The following UTP20 variants were observed in gnomAD, a reference collection of about 807,000 sequenced individuals.
UTP20 encodes the protein UTP20 small subunit processome component.
Under a neutral mutation model 329.5 loss-of-function variants are expected in UTP20, and 164 were observed. The ratio of observed to expected loss-of-function variants is 0.50; its 90% confidence interval spans 0.44 to 0.57. The LOEUF (loss-of-function observed/expected upper bound fraction) is 0.57, where lower values mean the gene tolerates loss of function less well. Among genes scored for constraint, UTP20 ranks in the 20% least tolerant of loss-of-function variants. UTP20 has a pLI of 0.00. For missense variants in UTP20, 3,055 were observed against 3,284.2 expected, an observed-to-expected ratio of 0.93 and a Z score of 1.71; for synonymous variants, 1,151 against 1,159.3, an observed-to-expected ratio of 0.99 and a Z score of 0.14.
intron 43 of UTP20, among the ~76,000 whole-genome samples, chr12:101,359,122 A>G (rs1284567150): frequency 1.3e-5 from 2 of 152,012 alleles, no homozygotes; most frequent in Admixed American, 6.6e-5. Flanking sequence ...GCTGGAGTGC[A>G]CTGCGATCTT....
chr12:101,368,144 CAG>C (rs1870160716), intron 48 of UTP20, among the ~76,000 whole-genome samples, 168 bp downstream of exon 48: 3 of 148,830 alleles, frequency 2.0e-5, no homozygotes, highest in South Asian at 2.1e-4. Context: ...TTTTTTGAGA[CAG>C]AGTCTCACTT....
intron 43 of UTP20, among the ~76,000 whole-genome samples, chr12:101,357,577 C>T (rs964275690): frequency 6.6e-6 from 1 of 152,072 alleles, no homozygotes; most frequent in African/African-American, 2.4e-5. Context: ...ATAGTGAGAC[C>T]TTTTCCCTAC....
At position 101,280,312 on chromosome 12, in the gene UTP20, C is replaced by T; in HGVS notation, c.30C>T (p.Thr10=). Residue 10 remains threonine (T), a synonymous_variant, in exon 1 of 62, where the codon ACC becomes ACT. Coordinates refer to ENST00000261637, the MANE Select transcript of UTP20 (RefSeq NM_014503.3). The stretch of plus-strand genomic sequence containing the variant: ...AGACAAAGCCCGTTTCCCACAAGAC[C>T]GAGAACACCTACCGGGTGAGCGCGG... The part of the protein sequence containing the change: MKTKPVSHK[T]ENTYRFLTFA... The T allele has an allele frequency of 6.4e-7, 1 of 1,551,754 alleles. No individual in the cohort carries two copies. The highest frequency in any genetic ancestry group is 8.7e-7 in the Non-Finnish European group (1 of 1,146,982).
At chr12:101,343,332 AT>A (rs1289926737) in intron 35 of UTP20, among the ~76,000 whole-genome samples, 3 of 152,198 alleles carry the variant, frequency 2.0e-5, no homozygotes, top group Non-Finnish European at 4.4e-5. Context: ...TCAAGAAGTT[AT>A]GTATTAGAAT....
chr12:101,335,194 T>A (rs61944231), intron 29 of UTP20, among the ~76,000 whole-genome samples: 22,490 of 152,068 alleles, frequency 0.15, 2,260 homozygotes, highest in Non-Finnish European at 0.22. Context: ...GAATTTTTTA[T>A]AATAATTAAA....
intron 56 of UTP20, among the ~76,000 whole-genome samples, chr12:101,377,454 C>G (rs1329832434): frequency 6.6e-6 from 1 of 152,102 alleles, no homozygotes; most frequent in African/African-American, 2.4e-5. Flanking sequence ...CCTCAGCCTC[C>G]TGAGTAGCTG....
chr12:101,383,866 T>A (rs191007844), intron 60 of UTP20, among the ~76,000 whole-genome samples, 197 bp downstream of exon 60: 3 of 150,252 alleles, frequency 2.0e-5, no homozygotes, highest in African/African-American at 4.9e-5. Flanking sequence ...ACACATACAT[T>A]TAAAAAAGAG....
chr12:101,324,114 A>T (rs1313824305), intron 25 of UTP20, among the ~76,000 whole-genome samples: 1 of 151,986 alleles, frequency 6.6e-6, no homozygotes, highest in African/African-American at 2.4e-5. Flanking sequence ...TCCAGCCTGG[A>T]TGACAGAGCG....
At chr12:101,354,670 C>T (rs951707788) in intron 40 of UTP20, among the ~76,000 whole-genome samples, 162 bp from the exon 41 acceptor site, 3 of 152,160 alleles carry the variant, frequency 2.0e-5, no homozygotes, top group African/African-American at 7.2e-5. Flanking sequence ...ACCCATGGCC[C>T]TCTCATTTAC....
At position 101,338,111 on chromosome 12, in the gene UTP20, T is replaced by C. The variant is rs1180240270; in HGVS notation, c.3702T>C (p.Asn1234=). 1 of 1,614,066 alleles carries C rather than the reference T, an allele frequency of 6.2e-7. No homozygotes were observed. Among genetic ancestry groups the C allele is most frequent in the Admixed American group, 1.7e-5 (1 of 60,004 alleles). ...ACCCAGAATGTGATATCCTGACCAA[T>C]GTTTTTGCAATTCTCTCAGCGAAGA... ...PGHPECDILT[N]VFAILSAKNL... Residue 1234 remains asparagine, a synonymous_variant, in exon 30 of 62, where the codon AAT becomes AAC. Transcript: ENST00000261637.
Position 101,305,916 on chromosome 12 carries a change from A to C in UTP20, c.1783A>C (p.Thr595Pro), listed in dbSNP as rs768665973. Residue 595 changes from threonine (T) to proline (P), a missense_variant and splice_region_variant, in exon 16 of 62, where the codon ACC becomes CCC. Coordinates refer to ENST00000261637, the MANE Select transcript of UTP20 (RefSeq NM_014503.3). The part of the protein sequence containing the change: ...PVERVKNLVL[T>P]FPLEPSVLLL... ...GGTCTAATGAACATCTCGTTGCAGAACCTTTCCCCTGGAGCCATCTGTGTT... is the reference window on the plus strand; with the variant it reads ...GGTCTAATGAACATCTCGTTGCAGACCCTTTCCCCTGGAGCCATCTGTGTT... The C allele has an allele frequency of 6.3e-7, 1 of 1,596,864 alleles. No homozygotes were observed. Among genetic ancestry groups the C allele is most frequent in the South Asian group, 1.1e-5 (1 of 88,806 alleles).
intron 19 of UTP20, among the ~76,000 whole-genome samples, chr12:101,311,342 A>T (rs1872783656): frequency 6.6e-6 from 1 of 152,152 alleles, no homozygotes; most frequent in African/African-American, 2.4e-5. Context: ...AATTTGGTGG[A>T]GGGAAACTAA....
chr12:101,361,356 G>T (rs1450228747), intron 43 of UTP20, among the ~76,000 whole-genome samples: 1 of 152,018 alleles, frequency 6.6e-6, no homozygotes, highest in East Asian at 1.9e-4. Flanking sequence ...AGGCATGGTG[G>T]CTCACTCCTG....
At chr12:101,291,635 C>T in intron 8 of UTP20, 107 bp from the exon 9 acceptor site, 2 of 1,191,818 alleles carry the variant, frequency 1.7e-6, no homozygotes, top group Non-Finnish European at 2.2e-6. Context: ...TCTTTTTCTT[C>T]CAAAGCAAGA....
In UTP20 at chr12:101,290,756, G is replaced by A. The variant is rs769938158; in HGVS notation, c.759G>A (p.Lys253=). ...AGGCAGTGAAGCTAATTTTGCGAAA[G>A]CTAGGACCAGTCACTGAAACAGAAA... The part of the protein sequence containing the change: ...TGQAVKLILR[K]LGPVTETETQ... The change falls in exon 8 of 62, where the codon AAG becomes AAA. Residue 253 remains lysine, a synonymous_variant. Transcript: ENST00000261637. 6 of 1,611,818 alleles carry A rather than the reference G, an allele frequency of 3.7e-6. No individual in the cohort carries two copies. In the East Asian group the frequency reaches 1.3e-4, roughly 36 times the overall value.
chr12:101,305,757 ATTC>A (rs1486947270), intron 15 of UTP20, among the ~76,000 whole-genome samples, 155 bp from the exon 16 acceptor site: 1 of 151,942 alleles, frequency 6.6e-6, no homozygotes, highest in Non-Finnish European at 1.5e-5. Context: ...TGGGCCTCAG[ATTC>A]TTCATCTATG....
intron 33 of UTP20, 37 bp downstream of exon 33, chr12:101,342,626 T>TA (rs781733378): frequency 6.3e-7 from 1 of 1,575,420 alleles, no homozygotes; most frequent in Non-Finnish European, 8.6e-7. Flanking sequence ...ATCACCCTTT[T>TA]AAAAAAATGT....
At chr12:101,334,643 A>G in intron 29 of UTP20, 139 bp downstream of exon 29, 3 of 671,842 alleles carry the variant, frequency 4.5e-6, no homozygotes, top group Non-Finnish European at 7.2e-6. Flanking sequence ...AGAATGAGGC[A>G]GCTGAGTAAA....
At chr12:101,340,477 A>T (rs963102842) in intron 31 of UTP20, 46 bp from the exon 32 acceptor site, 7 of 1,213,876 alleles carry the variant, frequency 5.8e-6, no homozygotes, top group Admixed American at 4.3e-5. Flanking sequence ...TCTTAGAGAA[A>T]TATCCTTGTA....
Sources: allele counts gnomAD v4.1 joint callset (sites outside exome capture counted in the v4.1 genomes callset), GRCh38; gene constraint gnomAD v4.1.1; transcripts MANE v1.5; gene names NCBI Gene and HGNC (gene_info 2026-07-23, HGNC 2026-07-21).